MAGI2: variants seen among roughly 807,000 people sequenced by gnomAD.
The protein encoded by MAGI2 is membrane associated guanylate kinase, WW and PDZ domain containing 2.
MAGI2 carries 35 observed loss-of-function variants against 133.3 expected under a neutral mutation model. The ratio of observed to expected loss-of-function variants is 0.26; its 90% CI spans 0.20 to 0.35. The LOEUF is 0.35. Among genes scored for constraint, MAGI2 ranks in the 10% least tolerant of loss-of-function variants. The pLI is 1.00. For synonymous variants in MAGI2, 729 were observed against 710.6 expected, an observed-to-expected ratio of 1.03 and a Z score of -0.41; for missense variants, 1,636 against 1,863.4, an observed-to-expected ratio of 0.88 and a Z score of 2.25.
chr7:78,664,836 A>G (rs1371045667), intron 2 of MAGI2, among the ~76,000 whole-genome samples: 1 of 152,024 alleles, frequency 6.6e-6, no homozygotes, highest in African/African-American at 2.4e-5. Flanking sequence ...ACTTTTATTT[A>G]AACTAACTTT....
At chr7:79,061,293 T>C (rs1813701360) in intron 1 of MAGI2, among the ~76,000 whole-genome samples, 1 of 150,398 alleles carries the variant, frequency 6.6e-6, no homozygotes, top group Non-Finnish European at 1.5e-5. Context: ...TAAAGGACTG[T>C]TAGAAAAAAA....
At chr7:78,867,277 C>T (rs1242162441) in intron 2 of MAGI2, among the ~76,000 whole-genome samples, 2 of 151,132 alleles carry the variant, frequency 1.3e-5, no homozygotes, top group Non-Finnish European at 2.9e-5. Flanking sequence ...ATAGTAAAGA[C>T]TTGGAACCAA....
At chr7:78,771,650 T>C (rs535483385) in intron 2 of MAGI2, among the ~76,000 whole-genome samples, 2 of 152,340 alleles carry the variant, frequency 1.3e-5, no homozygotes, top group African/African-American at 4.8e-5. Context: ...TCTTTTCCTT[T>C]CAAGGGTCAA....
chr7:79,446,883 C>T (rs756193897), intron 1 of MAGI2, among the ~76,000 whole-genome samples: 25 of 152,030 alleles, frequency 1.6e-4, no homozygotes, highest in Admixed American at 2.6e-4. Flanking sequence ...ACCCGGGAGG[C>T]GGAGATTGCA....
intron 1 of MAGI2, among the ~76,000 whole-genome samples, chr7:79,450,557 A>G (rs1205830742): frequency 6.6e-6 from 1 of 152,166 alleles, no homozygotes; most frequent in Admixed American, 6.5e-5. Context: ...ATACAAATTT[A>G]TCATCAATGA....
intron 3 of MAGI2, among the ~76,000 whole-genome samples, chr7:78,572,054 C>T (rs1229688291): frequency 1.3e-5 from 2 of 151,974 alleles, no homozygotes; most frequent in African/African-American, 2.4e-5. Flanking sequence ...AGCATTATAA[C>T]AAATGGTTTC....
intron 1 of MAGI2, among the ~76,000 whole-genome samples, chr7:79,391,311 A>C (rs1360914711): frequency 1.3e-5 from 2 of 151,560 alleles, no homozygotes; most frequent in Non-Finnish European, 2.9e-5. Context: ...AAGAAAATGA[A>C]CTCTCATAAT....
chr7:78,440,908 G>T (rs967588077), intron 6 of MAGI2, among the ~76,000 whole-genome samples: 13 of 152,110 alleles, frequency 8.5e-5, no homozygotes, highest in African/African-American at 3.1e-4. Context: ...AGCTGAGATC[G>T]CACCACTGCA....
intron 1 of MAGI2, among the ~76,000 whole-genome samples, chr7:79,349,329 T>C (rs10485953): frequency 0.054 from 8,275 of 152,054 alleles, 606 homozygotes; most frequent in East Asian, 0.34. Context: ...AACACTAGAT[T>C]GGATATTAGG....
At chr7:79,185,722 A>C (rs1827026310) in intron 1 of MAGI2, among the ~76,000 whole-genome samples, 1 of 151,822 alleles carries the variant, frequency 6.6e-6, no homozygotes, top group Non-Finnish European at 1.5e-5. Context: ...CATCGTGTTG[A>C]AACATGCTCA....
intron 1 of MAGI2, among the ~76,000 whole-genome samples, chr7:79,100,455 G>T (rs1039723880): frequency 6.6e-6 from 1 of 151,438 alleles, no homozygotes; most frequent in Non-Finnish European, 1.5e-5. Flanking sequence ...ATATTTTTTA[G>T]ATTTTTCAAT....
At chr7:78,244,970 G>A (rs959775885) in intron 10 of MAGI2, among the ~76,000 whole-genome samples, 1 of 152,202 alleles carries the variant, frequency 6.6e-6, no homozygotes, top group Non-Finnish European at 1.5e-5. Flanking sequence ...AGTGTAAAAT[G>A]AGACTTTCCA....
intron 3 of MAGI2, among the ~76,000 whole-genome samples, chr7:78,522,439 T>C (rs1476737820): frequency 6.6e-6 from 1 of 152,240 alleles, no homozygotes; most frequent in African/African-American, 2.4e-5. Flanking sequence ...AGGGCAATGG[T>C]GCAATCTTGG....
At chr7:78,640,394 T>A (rs1810160855) in intron 2 of MAGI2, among the ~76,000 whole-genome samples, 1 of 152,220 alleles carries the variant, frequency 6.6e-6, no homozygotes, top group South Asian at 2.1e-4. Context: ...AAGGGAAGTT[T>A]TAGGAATTAA....
At chr7:78,039,050 G>A (rs901083501) in intron 21 of MAGI2, among the ~76,000 whole-genome samples, 3 of 152,044 alleles carry the variant, frequency 2.0e-5, no homozygotes, top group African/African-American at 7.2e-5. Flanking sequence ...TTTTAAGTTA[G>A]TAAGTTAGTT....
At chr7:78,299,032 GT>G (rs1272637909) in intron 9 of MAGI2, among the ~76,000 whole-genome samples, 1 of 147,134 alleles carries the variant, frequency 6.8e-6, no homozygotes, top group Non-Finnish European at 1.5e-5. Context: ...GGTCAGGCTG[GT>G]CTTGAAACTC....
intron 2 of MAGI2, among the ~76,000 whole-genome samples, chr7:78,738,121 T>C (rs1822047043): frequency 6.6e-6 from 1 of 152,144 alleles, no homozygotes; most frequent in Non-Finnish European, 1.5e-5. Context: ...ATAAACTATA[T>C]AATATATGCA....
rs368332075 is a variant in MAGI2 at position 79,407,084 on chromosome 7, T to A, written c.301+45936A>T. Among the ~76,000 whole-genome samples the A allele has an allele frequency of 5.3e-5, 8 of 152,252 alleles. No homozygotes were observed. In the East Asian group the frequency reaches 1.4e-3, roughly 26 times the overall value. On this transcript the variant is annotated intron_variant, in intron 1 of 21. Transcript: ENST00000354212. ...ATTATTAAAGAAAAACACATACATTTTACTAATAAGAACAGGGATAAAATT... is the reference window on the plus strand; with the variant it reads ...ATTATTAAAGAAAAACACATACATTATACTAATAAGAACAGGGATAAAATT...
chr7:78,419,399 T>TGTG (rs1798590269), intron 6 of MAGI2, among the ~76,000 whole-genome samples: 1 of 150,644 alleles, frequency 6.6e-6, no homozygotes, highest in Non-Finnish European at 1.5e-5. Context: ...TGCACCGAGC[T>TGTG]TGTGTGTGTG....
Sources: gnomAD v4.1 joint callset for allele counts (sites outside exome capture counted in the v4.1 genomes callset) on GRCh38, gnomAD v4.1.1 for gene constraint, MANE v1.5 for transcripts, NCBI Gene and HGNC (gene_info 2026-07-23, HGNC 2026-07-21) for gene names.